Variants in ITGAD observed in about 807,000 individuals in gnomAD.
The protein encoded by ITGAD is integrin subunit alpha D.
In ITGAD, 105 loss-of-function variants were observed where a neutral mutation model predicts 139.0. The ratio of observed to expected loss-of-function variants is 0.76; its 90% confidence interval spans 0.65 to 0.89. The LOEUF (loss-of-function observed/expected upper bound fraction) is 0.89, where lower values mean the gene tolerates loss of function less well. Ranked by LOEUF, ITGAD falls within the 40% of genes least tolerant of loss-of-function variation. The pLI, the probability that ITGAD is intolerant of heterozygous loss-of-function variation, is 0.00. For missense variants in ITGAD, 1,384 were observed against 1,487.3 expected (o/e 0.93, Z 1.14); for synonymous variants, 569 against 598.3 (o/e 0.95, Z 0.71).
In ITGAD at chr16:31,400,729, C is replaced by G. The variant is rs182890445; in HGVS notation, c.428-1386C>G. ...AAGTGATTCTCCTGCCTCAGCCCCCCAAATAGCTAGGATTACAGGCACCGC... is the reference window on the plus strand; with the variant it reads ...AAGTGATTCTCCTGCCTCAGCCCCCGAAATAGCTAGGATTACAGGCACCGC... On this transcript the variant is annotated intron_variant, in intron 5 of 29. Transcript: ENST00000389202. Among the ~76,000 whole-genome samples the G allele has an allele frequency of 2.2e-3, 336 of 152,140 alleles. 1 individual carries two copies. Among genetic ancestry groups the G allele is most frequent in the African/African-American group, 7.6e-3 (317 of 41,490 alleles).
intron 10 of ITGAD, 178 bp downstream of exon 10, chr16:31,408,676 C>T: frequency 1.7e-6 from 1 of 585,058 alleles, no homozygotes; most frequent in Non-Finnish European, 3.1e-6. Context: ...AGCCTGGGTT[C>T]CTGCTCTCAA....
intron 23 of ITGAD, among the ~76,000 whole-genome samples, chr16:31,419,195 AC>A (rs1027467746): frequency 6.6e-5 from 10 of 151,284 alleles, no homozygotes; most frequent in Admixed American, 3.3e-4. Context: ...TCTGTCTCAA[AC>A]AAAAAAAAAA....
intron 16 of ITGAD, 72 bp from the exon 17 acceptor site, chr16:31,414,379 G>C: frequency 6.5e-7 from 1 of 1,536,348 alleles, no homozygotes; most frequent in Non-Finnish European, 8.9e-7. Context: ...TGTATTGCAT[G>C]AACAAATAAT....
At chr16:31,422,706 C>T (rs2082031268) in intron 23 of ITGAD, among the ~76,000 whole-genome samples, 1 of 151,956 alleles carries the variant, frequency 6.6e-6, no homozygotes, top group South Asian at 2.1e-4. Context: ...TAAGAACGTT[C>T]CAAGGAGAAG....
chr16:31,400,716 T>A (rs1193996144), intron 5 of ITGAD, among the ~76,000 whole-genome samples: 2 of 152,146 alleles, frequency 1.3e-5, no homozygotes, highest in Non-Finnish European at 2.9e-5. Context: ...GTGATTCTCC[T>A]GCCTCAGCCC....
chr16:31,403,223 C>G lies in ITGAD; in HGVS notation c.559-277C>G. The stretch of plus-strand genomic sequence containing the variant: ...GTGTGGTGGCTCACACCTGTAATCC[C>G]AGCACTTTGGGAGGCTGAGGTGGGA... On this transcript the variant is annotated intron_variant, in intron 6 of 29. Transcript: ENST00000389202. The surrounding 1 kb of genome is among the most constrained non-coding windows in gnomAD (Gnocchi z 4.4). The G allele has an allele frequency of 2.9e-6, 1 of 347,046 alleles. No individual in the cohort carries two copies. Among genetic ancestry groups the G allele is most frequent in the African/African-American group, 2.1e-5 (1 of 47,494 alleles). 21.5% of individuals were successfully genotyped at this position (347,046 alleles called of 1,614,324 possible).
Position 31,416,256 on chromosome 16 carries a change from G to A in ITGAD, c.2327G>A (p.Gly776Glu), listed in dbSNP as rs781117187. 1 of 1,605,536 alleles carries A rather than the reference G, an allele frequency of 6.2e-7. No homozygotes were observed. Among genetic ancestry groups the A allele is most frequent in the Admixed American group, 1.7e-5 (1 of 59,456 alleles). Residue 776 changes from glycine to glutamate, a missense_variant, in exon 19 of 30, where the codon GGG becomes GAG. Coordinates refer to ENST00000389202, the MANE Select transcript of ITGAD (RefSeq NM_005353.3). ...KNCGQDGLCEGDLGVTLSFSG... is the reference protein window; with the variant it reads ...KNCGQDGLCEEDLGVTLSFSG... ...TGTGGGCAAGATGGCCTCTGTGAAG[G>A]GGACCTGGGTGTCACCCTCAGCTTC...
intron 17 of ITGAD, 93 bp downstream of exon 17, chr16:31,414,698 T>A: frequency 6.4e-7 from 1 of 1,572,020 alleles, no homozygotes; most frequent in Non-Finnish European, 8.7e-7. Flanking sequence ...GTGGGAAGGG[T>A]TAGGATGTTG....
chr16:31,408,558 GC>G, intron 10 of ITGAD, 60 bp downstream of exon 10: 1 of 1,465,200 alleles, frequency 6.8e-7, no homozygotes, highest in Non-Finnish European at 9.5e-7. Context: ...CCCACCCTGG[GC>G]TGGGGGCTGG....
intron 5 of ITGAD, among the ~76,000 whole-genome samples, chr16:31,401,196 G>A (rs913903368): frequency 1.3e-5 from 2 of 152,190 alleles, no homozygotes; most frequent in African/African-American, 4.8e-5. Flanking sequence ...GGGAGGTCGA[G>A]GCTGCACTGA....
intron 18 of ITGAD, among the ~76,000 whole-genome samples, chr16:31,415,377 AT>A (rs1230387346): frequency 6.6e-6 from 1 of 152,136 alleles, no homozygotes; most frequent in Non-Finnish European, 1.5e-5. Flanking sequence ...ATTTACAAAG[AT>A]CCCAGTCCTT....
chr16:31,414,786 T>C, intron 17 of ITGAD, 74 bp from the exon 18 acceptor site: 17 of 1,580,264 alleles, frequency 1.1e-5, no homozygotes, highest in Non-Finnish European at 1.5e-5. Flanking sequence ...CAGTGGGGAG[T>C]GGATGCAGTG....
chr16:31,398,988 T>C (rs2081339653), intron 5 of ITGAD, among the ~76,000 whole-genome samples: 1 of 152,132 alleles, frequency 6.6e-6, no homozygotes, highest in South Asian at 2.1e-4. Flanking sequence ...GCTTCCAGGA[T>C]TCCCCAAACT....
Position 31,403,317 on chromosome 16 carries a change from C to T in ITGAD, c.559-183C>T. 1 of 657,274 alleles carries T rather than the reference C, an allele frequency of 1.5e-6. No individual in the cohort carries two copies. The highest frequency in any genetic ancestry group is 2.0e-5 in the South Asian group (1 of 50,926). 40.7% of individuals were successfully genotyped at this position (657,274 alleles called of 1,614,324 possible). On this transcript the variant is annotated intron_variant, in intron 6 of 29. Transcript: ENST00000389202. The surrounding 1 kb of genome is among the most constrained non-coding windows in gnomAD (Gnocchi z 4.4). Reference sequence around the variant, plus strand: ...AGTGAGACCTTGTCTCTACCAAAAACAAAACAAAACAAAAAACAAAGCCAG... The same window carrying T: ...AGTGAGACCTTGTCTCTACCAAAAATAAAACAAAACAAAAAACAAAGCCAG...
At chr16:31,405,061 C>A (rs570063679) in intron 7 of ITGAD, among the ~76,000 whole-genome samples, 38 of 152,104 alleles carry the variant, frequency 2.5e-4, no homozygotes, top group African/African-American at 8.9e-4. Flanking sequence ...CCACCATGCC[C>A]GGCTGATTTT....
chr16:31,397,255 A>T, intron 2 of ITGAD, 104 bp from the exon 3 acceptor site: 2 of 741,550 alleles, frequency 2.7e-6, no homozygotes, highest in Non-Finnish European at 4.6e-6. Flanking sequence ...AATTTCCCCC[A>T]CAGAGTCTCG....
At chr16:31,416,890 C>T (rs565824713) in intron 20 of ITGAD, among the ~76,000 whole-genome samples, 14 of 151,888 alleles carry the variant, frequency 9.2e-5, no homozygotes, top group African/African-American at 3.4e-4. Context: ...TCCCCAGAAC[C>T]CCCTCCCTGT....
Position 31,426,060 on chromosome 16 carries a change from C to A in ITGAD, c.3418C>A (p.Pro1140Thr). The A allele has an allele frequency of 6.2e-7, 1 of 1,614,052 alleles. No homozygotes were observed. Among genetic ancestry groups the A allele is most frequent in the Non-Finnish European group, 8.5e-7 (1 of 1,179,902 alleles). ...CTACAAGGAAATGCTGGAGGACAAGCCTGAAGACACTGCCACATTCAGTGG... is the reference window on the plus strand; with the variant it reads ...CTACAAGGAAATGCTGGAGGACAAGACTGAAGACACTGCCACATTCAGTGG... The part of the protein sequence containing the change: ...RHYKEMLEDK[P>T]EDTATFSGDD... Residue 1140 changes from proline (P) to threonine (T), a missense_variant, in exon 30 of 30, where the codon CCT becomes ACT. Coordinates refer to ENST00000389202, the MANE Select transcript of ITGAD (RefSeq NM_005353.3).
At chr16:31,408,291 G>A (rs2081591019) in intron 9 of ITGAD, 134 bp from the exon 10 acceptor site, 1 of 731,358 alleles carries the variant, frequency 1.4e-6, no homozygotes, top group Non-Finnish European at 2.4e-6. Context: ...CAGTCTTGAT[G>A]GGCCATTCCT....
Sources: gnomAD v4.1 joint callset for allele counts (sites outside exome capture counted in the v4.1 genomes callset) on GRCh38, gnomAD v4.1.1 for gene constraint, Gnocchi (gnomAD v3.1) non-coding constraint, MANE v1.5 for transcripts, NCBI Gene and HGNC (gene_info 2026-07-23, HGNC 2026-07-21) for gene names.